CHD5: variants seen among roughly 807,000 people sequenced by gnomAD.
The protein encoded by CHD5 is ATP-dependent chromatin remodeler CHD5.
A neutral mutation model predicts 230.3 loss-of-function variants in CHD5; 69 were observed. The observed-to-expected ratio is 0.30, with a 90% CI of 0.25 to 0.37. The LOEUF (loss-of-function observed/expected upper bound fraction) is 0.37, where lower values mean the gene tolerates loss of function less well. CHD5 is among the 10% of genes least tolerant of loss of function. The pLI is 1.00. For synonymous variants in CHD5, 1,064 were observed against 1,065.9 expected (o/e 1.00, Z 0.03); for missense variants, 1,827 against 2,622.8 (o/e 0.70, Z 6.63).
chr1:6,147,835 C>G (rs9435104), intron 9 of CHD5, among the ~76,000 whole-genome samples: 1 of 151,862 alleles, frequency 6.6e-6, no homozygotes, highest in South Asian at 2.1e-4. Context: ...CAGCAAAGGC[C>G]GAGAGGCAGA....
In CHD5 at chr1:6,112,299, C is replaced by T. The variant is rs561142122; in HGVS notation, c.5003-22G>A. 2.5e-6 allele frequency: 4 copies of T among 1,609,136 alleles called. No homozygotes were observed. In the South Asian group the frequency reaches 4.4e-5, roughly 18 times the overall value. ...TCATCTGCCGGGGACAGATCACATT[C>T]ATTCATCCATCCATCCAAAAAGCAG... On this transcript the variant is annotated intron_variant, in intron 34 of 41. Coordinates refer to ENST00000262450, the MANE Select transcript of CHD5 (RefSeq NM_015557.3).
At chr1:6,149,456 C>G (rs899247802) in intron 7 of CHD5, 44 bp from the exon 8 acceptor site, 1 of 1,561,130 alleles carries the variant, frequency 6.4e-7, no homozygotes, top group African/African-American at 1.4e-5. Context: ...CATCCACACT[C>G]CCAGCACACA....
intron 2 of CHD5, among the ~76,000 whole-genome samples, chr1:6,162,957 G>A (rs1195114754): frequency 6.6e-6 from 1 of 152,152 alleles, no homozygotes; most frequent in Non-Finnish European, 1.5e-5. Flanking sequence ...GGCCCAGGGA[G>A]AGCCGGAAGG....
chr1:6,168,074 C>G, intron 2 of CHD5, 76 bp downstream of exon 2: 2 of 1,516,576 alleles, frequency 1.3e-6, no homozygotes, highest in East Asian at 4.6e-5. Context: ...GGGACCCCAG[C>G]CCTCCTCTGC....
intron 2 of CHD5, among the ~76,000 whole-genome samples, chr1:6,164,518 G>A (rs542011370): frequency 9.9e-5 from 15 of 152,248 alleles, no homozygotes; most frequent in Middle Eastern, 6.8e-3. Flanking sequence ...ACTTGCTGCC[G>A]GCCTCCCCCC....
Position 6,128,255 on chromosome 1 carries a change from TG to T in CHD5, c.3731-38del, listed in dbSNP as rs761580733. On this transcript the variant is annotated intron_variant, in intron 24 of 41. Transcript: ENST00000262450. The surrounding 1 kb of genome is among the most constrained non-coding windows in gnomAD (Gnocchi z 7.8). ...GCAAATGCAGTGTGAGGACAAAGAC[TG>T]CCCTGGTCCAGCCCCGGGGTCCCAG... 6.2e-7 allele frequency: 1 copy of T among 1,603,670 alleles called. No individual in the cohort carries two copies. Among genetic ancestry groups the T allele is most frequent in the East Asian group, 2.2e-5 (1 of 44,742 alleles).
In CHD5 at chr1:6,159,096, G is replaced by A. The variant is rs188475151; in HGVS notation, c.387+240C>T. Among the ~76,000 whole-genome samples, 284 of 151,716 alleles carry A rather than the reference G, an allele frequency of 1.9e-3. 1 individual carries two copies. The highest frequency in any genetic ancestry group is 6.4e-3 in the African/African-American group (263 of 41,310). The stretch of plus-strand genomic sequence containing the variant: ...CTAAAAATACAAAAATTAGCCAGGC[G>A]TGGTGGCACGCACCTGTAGTCCCAG... On this transcript the variant is annotated intron_variant, in intron 3 of 41. Transcript: ENST00000262450.
At position 6,142,522 on chromosome 1, in the gene CHD5, G is replaced by A; in HGVS notation, c.2127C>T (p.Asn709=). 6.2e-7 allele frequency: 1 copy of A among 1,614,156 alleles called. No homozygotes were observed. The highest frequency in any genetic ancestry group is 8.5e-7 in the Non-Finnish European group (1 of 1,180,040). The change falls in exon 14 of 42, where the codon AAC becomes AAT. Residue 709 remains asparagine, a synonymous_variant. Coordinates refer to ENST00000262450, the MANE Select transcript of CHD5 (RefSeq NM_015557.3). This position sits in a 1 kb window ranked among gnomAD's most constrained non-coding sequence, Gnocchi z 5.2. Reference sequence around the variant, plus strand: ...CCTGGGCCCAAGAGAAGCGCAGCCAGTTGAGGCCCTCCAGCTGGTACGGGT... The same window carrying A: ...CCTGGGCCCAAGAGAAGCGCAGCCAATTGAGGCCCTCCAGCTGGTACGGGT... The part of the protein sequence containing the change: ...TLHPYQLEGL[N]WLRFSWAQGT...
At position 6,131,844 on chromosome 1, in the gene CHD5, T is replaced by C. The variant is rs372690470; in HGVS notation, c.3145-96A>G. On this transcript the variant is annotated intron_variant, in intron 20 of 41. Coordinates refer to ENST00000262450, the MANE Select transcript of CHD5 (RefSeq NM_015557.3). The surrounding 1 kb of genome is among the most constrained non-coding windows in gnomAD (Gnocchi z 5.0). Reference sequence around the variant, plus strand: ...CGCCACAGGCAGGGGAGGAGAGAGCTGCCTGCTAGGTGGGGAGACAGCTGG... The same window carrying C: ...CGCCACAGGCAGGGGAGGAGAGAGCCGCCTGCTAGGTGGGGAGACAGCTGG... The C allele has an allele frequency of 2.9e-5, 21 of 721,438 alleles. No homozygotes were observed. The East Asian group carries it at 5.3e-4, about 18-fold the overall frequency. The allele number at this position is 721,438 out of a possible 1,614,324, so 44.7% of individuals were successfully genotyped here.
intron 1 of CHD5, among the ~76,000 whole-genome samples, chr1:6,174,921 T>G (rs1667398319): frequency 7.5e-6 from 1 of 132,946 alleles, no homozygotes; most frequent in African/African-American, 3.0e-5. Context: ...GATGGATGGA[T>G]GGTGGATGAA....
chr1:6,148,765 C>T, intron 9 of CHD5, 89 bp downstream of exon 9: 1 of 1,075,396 alleles, frequency 9.3e-7, no homozygotes, highest in Non-Finnish European at 1.2e-6. Flanking sequence ...GGGGCGGGGC[C>T]TTTTGAGGAG....
intron 5 of CHD5, among the ~76,000 whole-genome samples, chr1:6,153,838 CA>C (rs1667041834): frequency 6.7e-6 from 1 of 150,194 alleles, no homozygotes; most frequent in Non-Finnish European, 1.5e-5. Context: ...CAAAACAAAA[CA>C]AAACAAAACA....
chr1:6,128,024 G>C lies in CHD5; in HGVS notation c.3903+22C>G, dbSNP rs906426455. 1.3e-6 allele frequency: 2 copies of C among 1,570,784 alleles called. No homozygotes were observed. Among genetic ancestry groups the C allele is most frequent in the African/African-American group, 1.3e-5 (1 of 74,200 alleles). On this transcript the variant is annotated intron_variant, in intron 25 of 41. Coordinates refer to ENST00000262450, the MANE Select transcript of CHD5 (RefSeq NM_015557.3). The surrounding 1 kb of genome is among the most constrained non-coding windows in gnomAD (Gnocchi z 7.8). ...CGGATGGAGGGCGGGGCTGCGGATG[G>C]AGGGCGGGCCGGGGACCTTACCACG...
rs954815857 is a variant in CHD5, at chr1:6,147,011, A to C, written c.1384-140T>G. The C allele has an allele frequency of 1.5e-5, 10 of 659,222 alleles. No individual in the cohort carries two copies. The African/African-American group carries it at 1.8e-4, about 12-fold the overall frequency. 40.8% of individuals were successfully genotyped at this position (659,222 alleles called of 1,614,324 possible). A position where few individuals can be genotyped will look rare whatever the true frequency, so the allele number is the denominator to read the frequency against. On this transcript the variant is annotated intron_variant, in intron 9 of 41. Coordinates refer to ENST00000262450, the MANE Select transcript of CHD5 (RefSeq NM_015557.3). ...GTCAGAACAGTACCACGGTGACGCCATGACATCCACCCCGTCCCCAGGAGC... is the reference window on the plus strand; with the variant it reads ...GTCAGAACAGTACCACGGTGACGCCCTGACATCCACCCCGTCCCCAGGAGC...
intron 1 of CHD5, among the ~76,000 whole-genome samples, chr1:6,169,016 CAAAA>C (rs796551533): frequency 5.1e-5 from 5 of 98,824 alleles, no homozygotes; most frequent in Admixed American, 1.1e-4. Context: ...GAGACTCCAT[CAAAA>C]AAAAAAAAAA....
chr1:6,129,064 GA>G lies in CHD5; in HGVS notation c.3392del (p.Phe1131SerfsTer13). 1 of 1,600,582 alleles carries G rather than the reference GA, an allele frequency of 6.2e-7. No homozygotes were observed. On this transcript the variant is annotated frameshift_variant, in exon 23 of 42. Coordinates refer to ENST00000262450, the MANE Select transcript of CHD5 (RefSeq NM_015557.3). LOFTEE classifies it high-confidence loss of function. The surrounding 1 kb of genome is among the most constrained non-coding windows in gnomAD (Gnocchi z 6.8). The stretch of plus-strand genomic sequence containing the variant: ...TCTGGCCGATGCGGTGGGCGCGGCT[GA>G]AGGCCTGGGGAGACCTGCACCTCAG... ...DWNPHNDIQA[F>X]SRAHRIGQNK...
intron 13 of CHD5, among the ~76,000 whole-genome samples, chr1:6,143,508 C>G (rs753013550): frequency 2.5e-4 from 38 of 152,312 alleles, no homozygotes; most frequent in South Asian, 1.7e-3. Flanking sequence ...TCTGAAACAG[C>G]TACCCAGGGC....
At chr1:6,160,826 G>A (rs746214093) in intron 2 of CHD5, among the ~76,000 whole-genome samples, 7 of 152,242 alleles carry the variant, frequency 4.6e-5, no homozygotes, top group Admixed American at 6.5e-5. Flanking sequence ...GGAGATAAGG[G>A]CGTTTACAAC....
chr1:6,149,406 T>C lies in CHD5; in HGVS notation c.1001A>G (p.Asp334Gly). Reference sequence around the variant, plus strand: ...GTGGTCTGTCTCATAGCCGTCACCATCATCAACTAGGGTAGGGGAGAGGCA... The same window carrying C: ...GTGGTCTGTCTCATAGCCGTCACCACCATCAACTAGGGTAGGGGAGAGGCA... ...KRRRKKKRIDDGDGYETDHQD... is the reference protein window; with the variant it reads ...KRRRKKKRIDGGDGYETDHQD... The change falls in exon 8 of 42, where the codon GAT (aspartate) becomes GGT (glycine). Residue 334 changes from aspartate to glycine, a missense_variant. By Grantham distance (94) the Asp-to-Gly change is moderately conservative (BLOSUM62 -1). Coordinates refer to ENST00000262450, the MANE Select transcript of CHD5 (RefSeq NM_015557.3). 6.2e-7 allele frequency: 1 copy of C among 1,607,982 alleles called. No homozygotes were observed. The highest frequency in any genetic ancestry group is 8.5e-7 in the Non-Finnish European group (1 of 1,176,200).
Sources: allele counts gnomAD v4.1 joint callset (sites outside exome capture counted in the v4.1 genomes callset), GRCh38; gene constraint gnomAD v4.1.1; non-coding constraint Gnocchi (gnomAD v3.1); transcripts MANE v1.5; gene names NCBI Gene and HGNC (gene_info 2026-07-23, HGNC 2026-07-21).